Variants in FRMD4B observed in about 807,000 individuals in gnomAD.
FRMD4B encodes the protein FERM domain containing 4B.
A neutral mutation model predicts 141.5 loss-of-function variants in FRMD4B; 74 were observed. The ratio of observed to expected loss-of-function variants is 0.52; its 90% CI spans 0.43 to 0.63. The LOEUF (loss-of-function observed/expected upper bound fraction) is 0.63. Ranked by LOEUF, FRMD4B falls within the 30% of genes least tolerant of loss-of-function variation. The pLI is 0.00. For missense variants in FRMD4B, 1,366 were observed against 1,253.4 expected (o/e 1.09, Z -1.36); for synonymous variants, 506 against 467.9 (o/e 1.08, Z -1.05).
intron 12 of FRMD4B, 106 bp from the exon 13 acceptor site, chr3:69,197,144 T>G (rs2092916088): frequency 1.2e-6 from 1 of 848,206 alleles, no homozygotes; most frequent in African/African-American, 1.7e-5. Flanking sequence ...CTTACCTGTC[T>G]TCTGTTGCAA....
chr3:69,537,966 C>CAA (rs2107173789), intron 1 of FRMD4B, among the ~76,000 whole-genome samples: 1 of 152,340 alleles, frequency 6.6e-6, no homozygotes, highest in South Asian at 2.1e-4. Flanking sequence ...ATTGCTGGGG[C>CAA]AAAGCCCTCA....
chr3:69,359,873 G>A (rs980437083), intron 1 of FRMD4B, among the ~76,000 whole-genome samples: 1 of 152,190 alleles, frequency 6.6e-6, no homozygotes, highest in African/African-American at 2.4e-5. Context: ...GTTCATTCTT[G>A]AAATCCATTT....
chr3:69,346,103 C>A (rs928774095), intron 1 of FRMD4B, among the ~76,000 whole-genome samples: 3 of 151,980 alleles, frequency 2.0e-5, no homozygotes, highest in Non-Finnish European at 2.9e-5. Context: ...AGACAAATGG[C>A]TAACTAGAAT....
chr3:69,220,829 G>C (rs2093186967), intron 9 of FRMD4B, among the ~76,000 whole-genome samples: 1 of 152,292 alleles, frequency 6.6e-6, no homozygotes, highest in East Asian at 1.9e-4. Context: ...ACTCCAGCCT[G>C]GGTGACAGAG....
At chr3:69,351,217 GCTTACTTTT>G (rs1168536024) in intron 1 of FRMD4B, among the ~76,000 whole-genome samples, 2 of 152,050 alleles carry the variant, frequency 1.3e-5, no homozygotes, top group Admixed American at 1.3e-4. Context: ...CTGTACTCAG[GCTTACTTTT>G]CCAGTTTAGG....
chr3:69,493,677 C>T (rs1706339301), intron 1 of FRMD4B, among the ~76,000 whole-genome samples: 1 of 151,010 alleles, frequency 6.6e-6, no homozygotes, highest in Admixed American at 6.7e-5. Flanking sequence ...TTGCTTACTT[C>T]TTTAGAATTC....
chr3:69,284,229 G>A (rs1180001953), intron 5 of FRMD4B, among the ~76,000 whole-genome samples: 1 of 152,150 alleles, frequency 6.6e-6, no homozygotes, highest in Non-Finnish European at 1.5e-5. Context: ...CCAGAGAAAA[G>A]AGAGCTGCGA....
At chr3:69,472,936 T>TC (rs1705920617) in intron 1 of FRMD4B, among the ~76,000 whole-genome samples, 1 of 118,220 alleles carries the variant, frequency 8.5e-6, no homozygotes, top group African/African-American at 3.6e-5. Context: ...TTTTTTTTTT[T>TC]TCTTTTTTTT....
At chr3:69,413,655 G>T (rs1290013150) in intron 2 of FRMD4B, among the ~76,000 whole-genome samples, 2 of 152,080 alleles carry the variant, frequency 1.3e-5, no homozygotes, top group East Asian at 3.9e-4. Context: ...AATTAGCAAG[G>T]TTTCCCATTT....
rs1254008848 is a variant in FRMD4B at position 69,321,320 on chromosome 3, CAT to C, written c.163-7805_163-7804del. 5.9e-5 allele frequency among the ~76,000 whole-genome samples: 9 copies of C among 152,192 alleles called. No individual in the cohort carries two copies. The South Asian group carries it at 1.0e-3, about 17-fold the overall frequency. ...CTTTAGTTGTTCTTTGGAACAGAAA[CAT>C]ATGAAATTGGTAAGGAAGCAGCAAG... On this transcript the variant is annotated intron_variant, in intron 1 of 22. Coordinates refer to ENST00000398540, the MANE Select transcript of FRMD4B (RefSeq NM_015123.3).
chr3:69,475,706 C>G (rs949291317), intron 1 of FRMD4B, among the ~76,000 whole-genome samples: 2 of 152,014 alleles, frequency 1.3e-5, no homozygotes, highest in Non-Finnish European at 2.9e-5. Flanking sequence ...ATTTATAATC[C>G]TTTGGGTATA....
rs2107654887 is a variant in FRMD4B, at chr3:69,196,897, T to C, written c.1092+3A>G. On this transcript the variant is annotated splice_donor_region_variant and intron_variant, in intron 13 of 22. Coordinates refer to ENST00000398540, the MANE Select transcript of FRMD4B (RefSeq NM_015123.3). The stretch of plus-strand genomic sequence containing the variant: ...CCCTATAGAAATGATGCCAGTTACT[T>C]ACTTTGCTTTGCTTCCGGTCCAAGT... 1 of 1,607,282 alleles carries C rather than the reference T, an allele frequency of 6.2e-7. No homozygotes were observed.
At chr3:69,414,540 A>G (rs1228029065) in intron 2 of FRMD4B, among the ~76,000 whole-genome samples, 1 of 152,198 alleles carries the variant, frequency 6.6e-6, no homozygotes, top group Non-Finnish European at 1.5e-5. Context: ...AGTCAATGGT[A>G]ATCTTAGGGC....
chr3:69,429,506 A>T (rs903634678), intron 2 of FRMD4B, among the ~76,000 whole-genome samples: 2 of 152,186 alleles, frequency 1.3e-5, no homozygotes, highest in Admixed American at 6.5e-5. Flanking sequence ...AGAAAAGATA[A>T]ATATTCAAGG....
intron 5 of FRMD4B, among the ~76,000 whole-genome samples, chr3:69,274,876 C>T (rs1386230340): frequency 1.3e-5 from 2 of 152,174 alleles, no homozygotes; most frequent in South Asian, 2.1e-4. Context: ...AACGTTTTAT[C>T]TAACATCTAG....
intron 1 of FRMD4B, among the ~76,000 whole-genome samples, chr3:69,374,985 C>A (rs578045726): frequency 6.6e-6 from 1 of 152,168 alleles, no homozygotes; most frequent in African/African-American, 2.4e-5. Flanking sequence ...TTCATCTATT[C>A]ATCCAATTGC....
chr3:69,377,990 T>TC lies in FRMD4B; in HGVS notation c.162+7837_162+7838insG, dbSNP rs1224874865. On this transcript the variant is annotated intron_variant, in intron 1 of 22. Coordinates refer to ENST00000398540, the MANE Select transcript of FRMD4B (RefSeq NM_015123.3). ...CACACTTGGCTAATTTTTTTTTTTT[T>TC]TTGTATTTTTAGTAGAGATGGGGTT... Among the ~76,000 whole-genome samples, 5 of 150,704 alleles carry TC rather than the reference T, an allele frequency of 3.3e-5. No homozygotes were observed. In the Admixed American group the frequency reaches 3.3e-4, roughly 10 times the overall value.
chr3:69,264,982 G>A (rs996137483), intron 5 of FRMD4B, among the ~76,000 whole-genome samples: 2 of 151,950 alleles, frequency 1.3e-5, no homozygotes, highest in South Asian at 2.1e-4. Flanking sequence ...GAGGTCGGGC[G>A]CGGTGGCTCA....
At chr3:69,270,569 C>CTTTTTTTTTTTTTTTT (rs57693333) in intron 5 of FRMD4B, among the ~76,000 whole-genome samples, 2 of 144,802 alleles carry the variant, frequency 1.4e-5, no homozygotes, top group Non-Finnish European at 1.5e-5. Context: ...TTCTTTTTTT[C>CTTTTTTTTTTTTTTTT]TTTTTTTTTT....
Sources: allele counts gnomAD v4.1 joint callset (sites outside exome capture counted in the v4.1 genomes callset), GRCh38; gene constraint gnomAD v4.1.1; transcripts MANE v1.5; gene names NCBI Gene and HGNC (gene_info 2026-07-23, HGNC 2026-07-21).